ATP10D: variants seen among roughly 807,000 people sequenced by gnomAD.
The protein encoded by ATP10D is ATPase phospholipid transporting 10D (putative).
A neutral mutation model predicts 144.8 loss-of-function variants in ATP10D; 89 were observed. The ratio of observed to expected loss-of-function variants is 0.61; its 90% CI spans 0.52 to 0.73. The LOEUF is 0.73. ATP10D is among the 30% of genes least tolerant of loss of function. The pLI, the probability that ATP10D is intolerant of heterozygous loss-of-function variation, is 0.00. For synonymous variants in ATP10D, 571 were observed against 615.1 expected (o/e 0.93, Z 1.06); for missense variants, 1,603 against 1,714.8 (o/e 0.93, Z 1.15).
chr4:47,529,573 G>T (rs1717453299), intron 5 of ATP10D, among the ~76,000 whole-genome samples: 1 of 152,140 alleles, frequency 6.6e-6, no homozygotes, highest in Non-Finnish European at 1.5e-5. Flanking sequence ...GTCAGGTCAT[G>T]TGGTACCTCC....
At chr4:47,563,136 C>T (rs1479621893) in intron 14 of ATP10D, among the ~76,000 whole-genome samples, 1 of 152,126 alleles carries the variant, frequency 6.6e-6, no homozygotes, top group Non-Finnish European at 1.5e-5. Context: ...ACACTATTTG[C>T]ATGATGGTTA....
chr4:47,502,144 T>A (rs4235151), intron 1 of ATP10D, among the ~76,000 whole-genome samples: 4 of 151,978 alleles, frequency 2.6e-5, no homozygotes, highest in Admixed American at 2.6e-4. Context: ...GCCTAATTAT[T>A]CATAAACAGT....
At chr4:47,489,492 T>C (rs1015741569) in intron 1 of ATP10D, among the ~76,000 whole-genome samples, 8 of 152,204 alleles carry the variant, frequency 5.3e-5, no homozygotes, top group African/African-American at 1.9e-4. Context: ...TTGATTTGTA[T>C]TTTTCTCATG....
rs1307664976 is a variant in ATP10D, at chr4:47,536,904, T to C, written c.1362T>C (p.Ser454=). 3.1e-6 allele frequency: 5 copies of C among 1,611,980 alleles called. No individual in the cohort carries two copies. The highest frequency in any genetic ancestry group is 2.7e-5 in the African/African-American group (2 of 74,804). ...TENKMVFRRC[S]VAGFDYCHEE... The stretch of plus-strand genomic sequence containing the variant: ...ATAAGATGGTTTTTCGAAGATGTAG[T>C]GTGGCAGGATTTGATTACTGCCATG... Residue 454 remains serine (S), a synonymous_variant, in exon 9 of 23, where the codon AGT becomes AGC. Coordinates refer to ENST00000273859, the MANE Select transcript of ATP10D (RefSeq NM_020453.4).
chr4:47,562,790 T>A (rs4695250), intron 14 of ATP10D, among the ~76,000 whole-genome samples: 130,055 of 152,118 alleles, frequency 0.85, 56,006 homozygotes, highest in East Asian at 0.99. Flanking sequence ...AGAATCAGAT[T>A]TCTAAGTGTC....
At chr4:47,487,951 A>G (rs1714857587) in intron 1 of ATP10D, among the ~76,000 whole-genome samples, 1 of 152,206 alleles carries the variant, frequency 6.6e-6, no homozygotes, top group Admixed American at 6.5e-5. Flanking sequence ...AAGTATCTGC[A>G]TGGTCCCATT....
At chr4:47,507,978 A>G (rs1205732798) in intron 1 of ATP10D, among the ~76,000 whole-genome samples, 7 of 152,300 alleles carry the variant, frequency 4.6e-5, no homozygotes, top group Non-Finnish European at 8.8e-5. Flanking sequence ...TATGCTTTGC[A>G]ACCTCCTTAA....
At chr4:47,513,084 T>G (rs80075737) in intron 2 of ATP10D, among the ~76,000 whole-genome samples, 2,174 of 152,300 alleles carry the variant, frequency 0.014, 56 homozygotes, top group African/African-American at 0.05. Context: ...GACTTGACTG[T>G]GGTTTAGCCA....
At position 47,546,882 on chromosome 4, in the gene ATP10D, T is replaced by A. The variant is rs113487041; in HGVS notation, c.1635+20T>A. ...CCCATTGTAAGTATGAATGCATGAC[T>A]AGAGTCTTGCACATCCACAATGTAT... is the stretch of plus-strand genomic sequence containing the variant. On this transcript the variant is annotated intron_variant, in intron 10 of 22. Transcript: ENST00000273859. 3.1e-6 allele frequency: 5 copies of A among 1,592,810 alleles called. No individual in the cohort carries two copies. In the South Asian group the frequency reaches 5.5e-5, roughly 18 times the overall value.
intron 14 of ATP10D, among the ~76,000 whole-genome samples, chr4:47,561,899 C>G (rs1719336619): frequency 6.6e-6 from 1 of 152,110 alleles, no homozygotes; most frequent in Admixed American, 6.5e-5. Context: ...ACCAAGATAC[C>G]AGCTTCTGAG....
chr4:47,534,533 G>T (rs1049511152), intron 5 of ATP10D, among the ~76,000 whole-genome samples: 1 of 152,104 alleles, frequency 6.6e-6, no homozygotes, highest in Non-Finnish European at 1.5e-5. Context: ...AAATCATGAG[G>T]CCCACGATGT....
intron 3 of ATP10D, 62 bp downstream of exon 3, chr4:47,515,732 T>G: frequency 7.3e-7 from 1 of 1,364,898 alleles, no homozygotes; most frequent in Non-Finnish European, 1.0e-6. Flanking sequence ...ATGCAGAATG[T>G]TACTTTTTTC....
At chr4:47,562,683 C>A (rs2109453254) in intron 14 of ATP10D, among the ~76,000 whole-genome samples, 1 of 152,288 alleles carries the variant, frequency 6.6e-6, no homozygotes. Context: ...AACAATCCCA[C>A]TACTGGGTAT....
rs996864744 is a variant in ATP10D, at chr4:47,557,876, G to A, written c.2037G>A (p.Val679=). Residue 679 remains valine, a synonymous_variant, in exon 12 of 23, where the codon GTG becomes GTA. Transcript: ENST00000273859. ...CTGTGGAGGAAGAGGTCTCCCAGGT[G>A]TGTGAGAGCCCCCAGTGCTCCAGTA... ...ASPVEEEVSQ[V]CESPQCSSSS... The A allele has an allele frequency of 6.2e-7, 1 of 1,614,096 alleles. No homozygotes were observed. The highest frequency in any genetic ancestry group is 8.5e-7 in the Non-Finnish European group (1 of 1,180,046).
chr4:47,539,244 T>C (rs1233056029), intron 9 of ATP10D, among the ~76,000 whole-genome samples: 1 of 152,184 alleles, frequency 6.6e-6, no homozygotes, highest in African/African-American at 2.4e-5. Context: ...AAATATACTA[T>C]ATTTTCTTCT....
chr4:47,509,942 G>GT (rs1716223356), intron 1 of ATP10D, among the ~76,000 whole-genome samples: 1 of 84,368 alleles, frequency 1.2e-5, no homozygotes, highest in Non-Finnish European at 2.2e-5. Flanking sequence ...TTTGTTTCAG[G>GT]GGTGTGTGTG....
chr4:47,572,998 G>A lies in ATP10D; in HGVS notation c.3366+1G>A. 1 of 1,613,964 alleles carries A rather than the reference G, an allele frequency of 6.2e-7. No individual in the cohort carries two copies. Reference sequence around the variant, plus strand: ...TCTCTATTTTTTCTATAAGAATGTGGTATGTAACCCCAGAGAATTTGTCCC... The same window carrying A: ...TCTCTATTTTTTCTATAAGAATGTGATATGTAACCCCAGAGAATTTGTCCC... On this transcript the variant is annotated splice_donor_variant, in intron 18 of 22. Transcript: ENST00000273859. LOFTEE classifies it high-confidence loss of function.
chr4:47,570,853 T>G (rs1719912811), intron 16 of ATP10D, among the ~76,000 whole-genome samples: 1 of 151,786 alleles, frequency 6.6e-6, no homozygotes, highest in African/African-American at 2.4e-5. Flanking sequence ...CTAGTGGATA[T>G]CAAAGCCTTG....
Position 47,592,859 on chromosome 4 carries a change from T to TAA in ATP10D, c.*1480_*1481dup, listed in dbSNP as rs1200471011. On this transcript the variant is annotated 3_prime_UTR_variant, in exon 23 of 23. Transcript: ENST00000273859. Reference sequence around the variant, plus strand: ...GCTTTCTTATGACTGTTTTTATAAATAAACTGTTTCATAAATAATGTATAC... The same window carrying TAA: ...GCTTTCTTATGACTGTTTTTATAAATAAAAACTGTTTCATAAATAATGTATAC... 3 of 152,696 alleles carry TAA rather than the reference T, an allele frequency of 2.0e-5. No individual in the cohort carries two copies. Among genetic ancestry groups the TAA allele is most frequent in the African/African-American group, 7.2e-5 (3 of 41,570 alleles). The allele number at this position is 152,696 out of a possible 1,614,324, so 9.5% of individuals were successfully genotyped here. A position where few individuals can be genotyped will look rare whatever the true frequency, so the allele number is the denominator to read the frequency against.
Sources: gnomAD v4.1 joint callset for allele counts (sites outside exome capture counted in the v4.1 genomes callset) on GRCh38, gnomAD v4.1.1 for gene constraint, MANE v1.5 for transcripts, NCBI Gene and HGNC (gene_info 2026-07-23, HGNC 2026-07-21) for gene names.